The following DPYD variants were observed in gnomAD, a reference collection of about 807,000 sequenced individuals.
DPYD encodes dihydropyrimidine dehydrogenase.
Under a neutral mutation model 116.2 loss-of-function variants are expected in DPYD, and 109 were observed. The ratio of observed to expected loss-of-function variants is 0.94; its 90% confidence interval spans 0.80 to 1.10. The LOEUF is 1.10. Ranked by LOEUF, DPYD falls within the 50% of genes least tolerant of loss-of-function variation. DPYD has a pLI of 0.00. For missense variants in DPYD, 1,302 were observed against 1,254.5 expected (o/e 1.04, Z -0.57); for synonymous variants, 440 against 432.0 (o/e 1.02, Z -0.23).
intron 11 of DPYD, among the ~76,000 whole-genome samples, chr1:97,557,842 GC>G (rs1651859458): frequency 6.6e-6 from 1 of 152,160 alleles, no homozygotes; most frequent in African/African-American, 2.4e-5. Flanking sequence ...TACATGGCAG[GC>G]ATACTGCTGG....
At chr1:97,169,067 CGAACTCCT>C (rs1270810541) in intron 20 of DPYD, among the ~76,000 whole-genome samples, 5 of 151,882 alleles carry the variant, frequency 3.3e-5, no homozygotes, top group Admixed American at 6.6e-5. Flanking sequence ...AGGCTAGTCT[CGAACTCCT>C]GACCTCAAGT....
intron 1 of DPYD, among the ~76,000 whole-genome samples, chr1:97,908,286 T>C (rs1409081654): frequency 6.6e-6 from 1 of 152,000 alleles, no homozygotes; most frequent in Non-Finnish European, 1.5e-5. Flanking sequence ...GTTCAAACAA[T>C]CCACACCACT....
At chr1:97,719,624 G>C in intron 5 of DPYD, 1 of 866,802 alleles carries the variant, frequency 1.2e-6, no homozygotes, top group Non-Finnish European at 1.4e-6. Context: ...TCGTTTTGTT[G>C]TTTTTTTAAC....
chr1:97,337,769 G>A (rs1669377853), intron 16 of DPYD, among the ~76,000 whole-genome samples: 1 of 152,018 alleles, frequency 6.6e-6, no homozygotes, highest in Admixed American at 6.6e-5. Context: ...TTTAAGTCTG[G>A]CAGAATGGCA....
intron 10 of DPYD, among the ~76,000 whole-genome samples, chr1:97,584,964 T>TAATAAG (rs1255781446): frequency 1.7e-4 from 25 of 149,324 alleles, no homozygotes; most frequent in Admixed American, 1.3e-3. Context: ...ATAATAATAA[T>TAATAAG]AATAAAGAAA....
At chr1:97,186,066 C>T (rs1657975596) in intron 20 of DPYD, among the ~76,000 whole-genome samples, 1 of 152,090 alleles carries the variant, frequency 6.6e-6, no homozygotes, top group African/African-American at 2.4e-5. Context: ...TTGAAACTGT[C>T]ATTATGCTTT....
At chr1:97,611,588 C>T (rs948437063) in intron 8 of DPYD, among the ~76,000 whole-genome samples, 6 of 151,986 alleles carry the variant, frequency 3.9e-5, no homozygotes, top group African/African-American at 1.2e-4. Flanking sequence ...TTTTTCTATA[C>T]ATCAGATAAC....
At chr1:97,914,318 A>G (rs891429571) in intron 1 of DPYD, among the ~76,000 whole-genome samples, 6 of 152,164 alleles carry the variant, frequency 3.9e-5, no homozygotes, top group African/African-American at 1.4e-4. Flanking sequence ...GGGATGCTTA[A>G]AAGTTTAGAA....
chr1:97,743,234 C>A (rs1313676132), intron 3 of DPYD, among the ~76,000 whole-genome samples: 3 of 152,056 alleles, frequency 2.0e-5, no homozygotes, highest in Non-Finnish European at 4.4e-5. Context: ...GCCACGCAAA[C>A]CTGAATTGTA....
At chr1:97,769,333 T>G (rs1460671088) in intron 3 of DPYD, among the ~76,000 whole-genome samples, 1 of 152,160 alleles carries the variant, frequency 6.6e-6, no homozygotes, top group East Asian at 1.9e-4. Context: ...GTAACAGGCT[T>G]CTTCTTTACC....
chr1:97,641,065 T>C (rs1657865966), intron 8 of DPYD, among the ~76,000 whole-genome samples: 1 of 152,196 alleles, frequency 6.6e-6, no homozygotes, highest in South Asian at 2.1e-4. Context: ...TGACTACCTG[T>C]CTGGCACATG....
At chr1:97,216,788 C>T (rs1660432339) in intron 19 of DPYD, among the ~76,000 whole-genome samples, 1 of 151,764 alleles carries the variant, frequency 6.6e-6, no homozygotes, top group South Asian at 2.1e-4. Flanking sequence ...GAGCGACACT[C>T]GTCTCAAACA....
rs150971978 is a variant in DPYD at position 97,869,660 on chromosome 1, G to T, written c.150+13604C>A. ...GATACAGAAAGTTGGCACCAAGATG[G>T]ATTTGCACAAACAAACCTTGCTAAA... On this transcript the variant is annotated intron_variant, in intron 2 of 22. Coordinates refer to ENST00000370192, the MANE Select transcript of DPYD (RefSeq NM_000110.4). Among the ~76,000 whole-genome samples, 5 of 151,796 alleles carry T rather than the reference G, an allele frequency of 3.3e-5. No homozygotes were observed. The East Asian group carries it at 7.8e-4, about 24-fold the overall frequency.
intron 19 of DPYD, 71 bp downstream of exon 19, chr1:97,234,781 T>C: frequency 1.3e-6 from 2 of 1,593,464 alleles, no homozygotes; most frequent in Admixed American, 1.7e-5. Context: ...CTATTTTTTT[T>C]TTGTCACATA....
chr1:97,130,386 G>C (rs1653188008), intron 20 of DPYD, among the ~76,000 whole-genome samples: 1 of 152,152 alleles, frequency 6.6e-6, no homozygotes, highest in African/African-American at 2.4e-5. Flanking sequence ...CCTACCAGAA[G>C]GAGATGCTCT....
At chr1:97,216,265 T>C (rs774426037) in intron 19 of DPYD, among the ~76,000 whole-genome samples, 3 of 146,392 alleles carry the variant, frequency 2.0e-5, no homozygotes, top group African/African-American at 2.6e-5. Context: ...CACAGATACA[T>C]AGTTTGAGAG....
At chr1:97,527,074 CT>C (rs538034659) in intron 12 of DPYD, among the ~76,000 whole-genome samples, 105 of 144,642 alleles carry the variant, frequency 7.3e-4, no homozygotes, top group Middle Eastern at 3.6e-3. Flanking sequence ...TGCCCCCAAC[CT>C]TTTTTTTTTT....
Position 97,098,643 on chromosome 1 carries a change from AAC to A in DPYD, c.2623-13_2623-12del. Reference sequence around the variant, plus strand: ...AAAACTTGGCAGTTTCTAAAAGGAAAACACACAAATAAGGAAGCATGTTAGCT... The same window carrying A: ...AAAACTTGGCAGTTTCTAAAAGGAAAACACAAATAAGGAAGCATGTTAGCT... On this transcript the variant is annotated splice_polypyrimidine_tract_variant and intron_variant, in intron 20 of 22. Transcript: ENST00000370192. 1 of 1,612,612 alleles carries A rather than the reference AAC, an allele frequency of 6.2e-7. No homozygotes were observed. The highest frequency in any genetic ancestry group is 1.1e-5 in the South Asian group (1 of 91,042).
chr1:97,705,472 T>C (rs1311042961), intron 5 of DPYD, among the ~76,000 whole-genome samples: 1 of 152,136 alleles, frequency 6.6e-6, no homozygotes, highest in Non-Finnish European at 1.5e-5. Flanking sequence ...CTCATCATTT[T>C]TTATGGCTGC....
Sources: gnomAD v4.1 joint callset for allele counts (sites outside exome capture counted in the v4.1 genomes callset) on GRCh38, gnomAD v4.1.1 for gene constraint, MANE v1.5 for transcripts, NCBI Gene and HGNC (gene_info 2026-07-23, HGNC 2026-07-21) for gene names.